The following KAZN variants were observed in gnomAD, a reference collection of about 807,000 sequenced individuals.
KAZN encodes kazrin.
A neutral mutation model predicts 87.4 loss-of-function variants in KAZN; 40 were observed. The observed-to-expected ratio is 0.46, with a 90% CI of 0.36 to 0.60. The LOEUF is 0.60. Ranked by LOEUF, KAZN falls within the 20% of genes least tolerant of loss-of-function variation. The pLI, the probability that KAZN is intolerant of heterozygous loss-of-function variation, is 0.00. For missense variants in KAZN, 898 were observed against 1,073.9 expected, an observed-to-expected ratio of 0.84 and a Z score of 2.29; for synonymous variants, 466 against 458.3, an observed-to-expected ratio of 1.02 and a Z score of -0.22.
intron 1 of KAZN, among the ~76,000 whole-genome samples, chr1:14,931,859 A>G (rs1431158816): frequency 6.6e-6 from 1 of 152,202 alleles, no homozygotes; most frequent in Admixed American, 6.5e-5. Context: ...CAAAGTACAC[A>G]GTCAGGTAGA....
intron 1 of KAZN, among the ~76,000 whole-genome samples, chr1:14,077,514 G>C (rs1643508158): frequency 1.3e-5 from 2 of 152,144 alleles, no homozygotes; most frequent in Non-Finnish European, 2.9e-5. Flanking sequence ...CAGTTAAACT[G>C]TCCATCATTC....
In KAZN at chr1:14,204,702, C is replaced by T. The variant is rs548612610; in HGVS notation, c.249+24110C>T. Among the ~76,000 whole-genome samples the T allele has an allele frequency of 4.6e-5, 7 of 152,308 alleles. No individual in the cohort carries two copies. In the South Asian group the frequency reaches 1.5e-3, roughly 32 times the overall value. Reference sequence around the variant, plus strand: ...GATTAAAAAAACCTTTTATTTATATCTATGGAATTACAGAATTAACAAGGC... The same window carrying T: ...GATTAAAAAAACCTTTTATTTATATTTATGGAATTACAGAATTAACAAGGC... On this transcript the variant is annotated intron_variant, in intron 2 of 16. Transcript: ENST00000636203.
intron 2 of KAZN, among the ~76,000 whole-genome samples, chr1:14,318,518 G>T (rs532579543): frequency 6.6e-6 from 1 of 151,872 alleles, no homozygotes. Flanking sequence ...TTTGATTAGC[G>T]TGCCTTGGTA....
At chr1:14,826,852 T>C (rs932527037) in intron 1 of KAZN, among the ~76,000 whole-genome samples, 3 of 152,168 alleles carry the variant, frequency 2.0e-5, no homozygotes, top group Non-Finnish European at 2.9e-5. Context: ...CAGATTTTCA[T>C]GGACAACAAG....
intron 1 of KAZN, among the ~76,000 whole-genome samples, chr1:14,824,040 G>A (rs933933575): frequency 2.6e-5 from 4 of 151,354 alleles, no homozygotes; most frequent in African/African-American, 9.7e-5. Context: ...CTTGAACCCA[G>A]GAGGCGGAGG....
intron 2 of KAZN, among the ~76,000 whole-genome samples, chr1:14,477,402 A>G (rs1300896557): frequency 6.6e-6 from 1 of 151,554 alleles, no homozygotes; most frequent in Non-Finnish European, 1.5e-5. Context: ...ACAGACTAAT[A>G]TACACTCCCA....
intron 1 of KAZN, among the ~76,000 whole-genome samples, chr1:14,026,436 C>A (rs1247036651): frequency 6.6e-6 from 1 of 152,258 alleles, no homozygotes; most frequent in Non-Finnish European, 1.5e-5. Context: ...CCATCTTAGC[C>A]CCATGCATGA....
intron 1 of KAZN, among the ~76,000 whole-genome samples, chr1:13,915,158 C>T (rs1006989203): frequency 1.3e-5 from 2 of 152,154 alleles, no homozygotes; most frequent in African/African-American, 2.4e-5. Flanking sequence ...TACACATGCA[C>T]ACAGACACAA....
intron 2 of KAZN, among the ~76,000 whole-genome samples, chr1:14,962,285 A>G (rs1278131613): frequency 6.6e-6 from 1 of 152,124 alleles, no homozygotes; most frequent in Non-Finnish European, 1.5e-5. Context: ...TCAGCAGTAC[A>G]TGTTGCTTTC....
intron 1 of KAZN, among the ~76,000 whole-genome samples, chr1:14,094,338 A>T (rs1644079278): frequency 6.6e-6 from 1 of 152,172 alleles, no homozygotes; most frequent in African/African-American, 2.4e-5. Context: ...ATAAATATTC[A>T]CCCAAGCAAT....
At chr1:13,977,251 G>A (rs1196728436) in intron 1 of KAZN, among the ~76,000 whole-genome samples, 1 of 152,190 alleles carries the variant, frequency 6.6e-6, no homozygotes, top group Admixed American at 6.5e-5. Flanking sequence ...ACATTGGAAA[G>A]AACATGAAAC....
At chr1:14,424,733 T>A (rs1221257721) in intron 2 of KAZN, among the ~76,000 whole-genome samples, 1 of 152,214 alleles carries the variant, frequency 6.6e-6, no homozygotes, top group African/African-American at 2.4e-5. Flanking sequence ...CTTCAACAGC[T>A]TCTGCCAGTT....
intron 1 of KAZN, among the ~76,000 whole-genome samples, chr1:13,966,877 T>G (rs1028995302): frequency 6.6e-6 from 1 of 152,246 alleles, no homozygotes; most frequent in African/African-American, 2.4e-5. Flanking sequence ...TTTTACTTTT[T>G]TAAATGCACT....
At chr1:14,414,934 G>C (rs1664625339) in intron 2 of KAZN, among the ~76,000 whole-genome samples, 1 of 152,168 alleles carries the variant, frequency 6.6e-6, no homozygotes, top group African/African-American at 2.4e-5. Flanking sequence ...GCTGAGACAA[G>C]AGAATTGCTT....
chr1:14,083,347 G>A (rs1380450710), intron 1 of KAZN, among the ~76,000 whole-genome samples: 1 of 152,224 alleles, frequency 6.6e-6, no homozygotes, highest in African/African-American at 2.4e-5. Context: ...AAATCAATAT[G>A]TGTGTTCTGG....
rs981462739 is a variant in KAZN, at chr1:14,949,654, G to A, written c.227-11030G>A. Reference sequence around the variant, plus strand: ...CCAAACCTCCGGCAGACCCCAGGGGGCTGCGTCCTGCAGTGCCAATCCTCA... The same window carrying A: ...CCAAACCTCCGGCAGACCCCAGGGGACTGCGTCCTGCAGTGCCAATCCTCA... On this transcript the variant is annotated intron_variant, in intron 1 of 14. Transcript: ENST00000376030. The surrounding 1 kb of genome is among the most constrained non-coding windows in gnomAD (Gnocchi z 4.3). 6.6e-6 allele frequency among the ~76,000 whole-genome samples: 1 copy of A among 152,216 alleles called. No individual in the cohort carries two copies. The highest frequency in any genetic ancestry group is 2.4e-5 in the African/African-American group (1 of 41,440).
chr1:15,088,996 C>T (rs756585388), intron 8 of KAZN, among the ~76,000 whole-genome samples: 20 of 152,060 alleles, frequency 1.3e-4, no homozygotes, highest in East Asian at 3.9e-4. Flanking sequence ...CACAGGCACA[C>T]GCACACACAC....
chr1:14,598,775 C>T lies in KAZN; in HGVS notation c.-223C>T, dbSNP rs1676693685. The T allele has an allele frequency of 3.0e-6, 4 of 1,350,254 alleles. No individual in the cohort carries two copies. The highest frequency in any genetic ancestry group is 3.8e-6 in the Non-Finnish European group (4 of 1,057,900). The allele number at this position is 1,350,254 out of a possible 1,614,324, so 83.6% of individuals were successfully genotyped here. A position where few individuals can be genotyped will look rare whatever the true frequency, so the allele number is the denominator to read the frequency against. Reference sequence around the variant, plus strand: ...TCTCCTCCTCTTTTTTCTCCTCCGCCTCCTCCCCCCGCCGCCTCGCCACCG... The same window carrying T: ...TCTCCTCCTCTTTTTTCTCCTCCGCTTCCTCCCCCCGCCGCCTCGCCACCG... On this transcript the variant is annotated 5_prime_UTR_variant, in exon 1 of 15. Transcript: ENST00000376030. This position sits in a 1 kb window ranked among gnomAD's most constrained non-coding sequence, Gnocchi z 4.2.
intron 1 of KAZN, among the ~76,000 whole-genome samples, chr1:13,947,627 C>T (rs186324308): frequency 3.3e-5 from 5 of 152,180 alleles, no homozygotes; most frequent in Admixed American, 6.5e-5. Flanking sequence ...CCCTGGCTGC[C>T]GTAACAAATA....
Sources: allele counts gnomAD v4.1 joint callset (sites outside exome capture counted in the v4.1 genomes callset), GRCh38; gene constraint gnomAD v4.1.1; non-coding constraint Gnocchi (gnomAD v3.1); transcripts MANE v1.5; gene names NCBI Gene and HGNC (gene_info 2026-07-23, HGNC 2026-07-21).